The following TRIM46 variants were observed in gnomAD, a reference collection of about 807,000 sequenced individuals.
TRIM46 encodes the protein tripartite motif-containing protein 46.
Under a neutral mutation model 69.7 loss-of-function variants are expected in TRIM46, and 17 were observed. The observed-to-expected ratio is 0.24, with a 90% CI of 0.17 to 0.37. The LOEUF is 0.37. TRIM46 is among the 10% of genes least tolerant of loss of function. The pLI is 1.00. For missense variants in TRIM46, 675 were observed against 1,025.1 expected (o/e 0.66, Z 4.66); for synonymous variants, 391 against 429.0 (o/e 0.91, Z 1.09).
At chr1:155,179,537 C>T in intron 7 of TRIM46, 95 bp from the exon 8 acceptor site, 1 of 1,190,492 alleles carries the variant, frequency 8.4e-7, no homozygotes, top group Non-Finnish European at 1.2e-6. Flanking sequence ...CTCACCCCCC[C>T]GGCTCCCGCT....
At chr1:155,179,293 C>A (rs567363903) in intron 7 of TRIM46, among the ~76,000 whole-genome samples, 2 of 152,288 alleles carry the variant, frequency 1.3e-5, no homozygotes, top group African/African-American at 4.8e-5. Flanking sequence ...GCTGCAAGGG[C>A]CCCCAGAACT....
chr1:155,184,146 C>T lies in TRIM46; in HGVS notation c.2236C>T (p.Pro746Ser). Reference protein sequence around the residue: ...VQLQEPVGTKPERKVTIGGFA... With the variant: ...VQLQEPVGTKSERKVTIGGFA... Reference sequence around the variant, plus strand: ...GCTCCAGGAGCCAGTGGGCACTAAGCCTGAGAGGAAAGTCACCATTGGGGG... The same window carrying T: ...GCTCCAGGAGCCAGTGGGCACTAAGTCTGAGAGGAAAGTCACCATTGGGGG... Residue 746 changes from proline (P) to serine (S), a missense_variant, in exon 10 of 10, where the codon CCT becomes TCT. This residue lies in a region of TRIM46 where 108 missense variants were observed against 153.0 expected (regional missense o/e 0.71). Coordinates refer to ENST00000334634, the MANE Select transcript of TRIM46 (RefSeq NM_025058.5). The surrounding 1 kb of genome is among the most constrained non-coding windows in gnomAD (Gnocchi z 5.6). 1.2e-6 allele frequency: 2 copies of T among 1,613,484 alleles called. No homozygotes were observed. The highest frequency in any genetic ancestry group is 1.7e-6 in the Non-Finnish European group (2 of 1,179,862).
chr1:155,180,075 T>C, intron 8 of TRIM46, 141 bp downstream of exon 8: 2 of 1,036,094 alleles, frequency 1.9e-6, no homozygotes, highest in Non-Finnish European at 2.7e-6. Flanking sequence ...GCTAGACTGC[T>C]TGGGTTCAAA....
chr1:155,184,003 A>C lies in TRIM46; in HGVS notation c.2093A>C (p.Glu698Ala). 6.2e-7 allele frequency: 1 copy of C among 1,614,086 alleles called. No individual in the cohort carries two copies. The highest frequency in any genetic ancestry group is 1.7e-4 in the Middle Eastern group (1 of 6,038). ...PPRLGICLDY[E>A]RGRVSFLDAV... ...CGCCTGGGCATCTGCCTGGACTATG[A>C]GCGGGGCCGGGTTTCCTTCCTGGAT... The change falls in exon 10 of 10, where the codon GAG (glutamate) becomes GCG (alanine). Residue 698 changes from glutamate to alanine, a missense_variant. Transcript: ENST00000334634. This position sits in a 1 kb window ranked among gnomAD's most constrained non-coding sequence, Gnocchi z 5.6.
chr1:155,178,696 C>T (rs1665889141), intron 7 of TRIM46, 83 bp downstream of exon 7: 14 of 1,587,174 alleles, frequency 8.8e-6, no homozygotes, highest in East Asian at 4.5e-5. Flanking sequence ...CAGTGCCTAC[C>T]GGGGACCTCC....
chr1:155,178,537 C>T lies in TRIM46; in HGVS notation c.1209C>T (p.Ala403=). 1 of 1,614,182 alleles carries T rather than the reference C, an allele frequency of 6.2e-7. No homozygotes were observed. The highest frequency in any genetic ancestry group is 2.2e-5 in the East Asian group (1 of 44,880). The change falls in exon 7 of 10, where the codon GCC becomes GCT. Residue 403 remains alanine, a synonymous_variant. Coordinates refer to ENST00000334634, the MANE Select transcript of TRIM46 (RefSeq NM_025058.5). ...CCCTCCAGACATTCCGGCCAGCTGC[C>T]AGCTCCTCCTTCCGCCATTGCCAGC... is the stretch of plus-strand genomic sequence containing the variant. ...TEALQTFRPA[A]SSSFRHCQLD... is the part of the protein sequence containing the mutation.
intron 9 of TRIM46, 95 bp downstream of exon 9, chr1:155,182,244 G>A (rs1666223938): frequency 2.3e-6 from 3 of 1,310,144 alleles, no homozygotes; most frequent in Non-Finnish European, 3.1e-6. Context: ...TGCTAGGGTG[G>A]GGCTGGGAGG....
rs1239881844 is a variant in TRIM46, at chr1:155,179,952, G to A, written c.1588+18G>A. ...GGCACCTGGTGAGTGGGCAGGCACA[G>A]GTGGTCGTGCAAAGGGCATGGGGTA... On this transcript the variant is annotated intron_variant, in intron 8 of 9. Coordinates refer to ENST00000334634, the MANE Select transcript of TRIM46 (RefSeq NM_025058.5). The A allele has an allele frequency of 6.4e-7, 1 of 1,559,512 alleles. No individual in the cohort carries two copies. The highest frequency in any genetic ancestry group is 1.2e-5 in the South Asian group (1 of 82,360).
chr1:155,178,739 T>TGGCCCCCCCCCCCCCCCCCCC, intron 7 of TRIM46, 126 bp downstream of exon 7: 2 of 1,348,470 alleles, frequency 1.5e-6, no homozygotes, highest in Non-Finnish European at 1.0e-6. Context: ...CAGCCATTCC[T>TGGCCCCCCCCCCCCCCCCCCC]CCCACCCAGC....
intron 1 of TRIM46, chr1:155,174,816 G>GA: frequency 7.0e-7 from 1 of 1,438,642 alleles, no homozygotes. Flanking sequence ...AGGGCCTGAT[G>GA]GGGGCGAAGG....
Position 155,181,798 on chromosome 1 carries a change from C to A in TRIM46, c.1589-54C>A. 1 of 1,559,250 alleles carries A rather than the reference C, an allele frequency of 6.4e-7. No homozygotes were observed. Among genetic ancestry groups the A allele is most frequent in the East Asian group, 2.3e-5 (1 of 44,270 alleles). On this transcript the variant is annotated intron_variant, in intron 8 of 9. Transcript: ENST00000334634. This position sits in a 1 kb window ranked among gnomAD's most constrained non-coding sequence, Gnocchi z 4.3. The stretch of plus-strand genomic sequence containing the variant: ...TTCTGCAGTCTCACAGCCCCCAGTG[C>A]CAGTGTTTGTCCCTGAAGTTCTTGC...
chr1:155,173,888 C>A lies in TRIM46; in HGVS notation c.-79C>A, dbSNP rs1197442625. 3.5e-6 allele frequency: 5 copies of A among 1,447,952 alleles called. No homozygotes were observed. The highest frequency in any genetic ancestry group is 2.8e-5 in the African/African-American group (2 of 71,164). The allele number at this position is 1,447,952 out of a possible 1,614,324, so 89.7% of individuals were successfully genotyped here. ...ACCCCCAGCCCTCCTCACACCCCCACTGGGCTCCTGCATTAAGCCCGGGGT... is the reference window on the plus strand; with the variant it reads ...ACCCCCAGCCCTCCTCACACCCCCAATGGGCTCCTGCATTAAGCCCGGGGT... On this transcript the variant is annotated 5_prime_UTR_variant, in exon 1 of 10. The change creates a new upstream start codon in the 5' untranslated region. Coordinates refer to ENST00000334634, the MANE Select transcript of TRIM46 (RefSeq NM_025058.5).
intron 8 of TRIM46, chr1:155,180,387 G>T: frequency 2.8e-6 from 1 of 352,574 alleles, no homozygotes. Context: ...ACAAGGTCAA[G>T]AGTTTGAGAC....
rs1665544193 is a variant in TRIM46 at position 155,175,212 on chromosome 1, G to A, written c.64-174G>A. 2 of 1,483,556 alleles carry A rather than the reference G, an allele frequency of 1.3e-6. No homozygotes were observed. Among genetic ancestry groups the A allele is most frequent in the Admixed American group, 2.4e-5 (1 of 41,064 alleles). 91.9% of individuals were successfully genotyped at this position (1,483,556 alleles called of 1,614,324 possible). On this transcript the variant is annotated intron_variant, in intron 1 of 9. Coordinates refer to ENST00000334634, the MANE Select transcript of TRIM46 (RefSeq NM_025058.5). This position sits in a 1 kb window ranked among gnomAD's most constrained non-coding sequence, Gnocchi z 4.2. The stretch of plus-strand genomic sequence containing the variant: ...TCTGCAGCGGGGAAAGAGAAGCAAG[G>A]GACAGAGGTCTGGGAAGGTCTGTGA...
chr1:155,174,875 G>A, intron 1 of TRIM46: 1 of 1,413,372 alleles, frequency 7.1e-7, no homozygotes, highest in East Asian at 2.7e-5. Flanking sequence ...GGGAATGGAG[G>A]CTGGAGTGGC....
chr1:155,176,325 G>A, intron 3 of TRIM46, 94 bp downstream of exon 3: 1 of 1,192,908 alleles, frequency 8.4e-7, no homozygotes, highest in Admixed American at 2.6e-5. Context: ...AAGGAAGTGG[G>A]AAGGGTTTTC....
At chr1:155,180,050 C>T (rs1666029113) in intron 8 of TRIM46, 116 bp downstream of exon 8, 1 of 1,154,492 alleles carries the variant, frequency 8.7e-7, no homozygotes, top group Admixed American at 3.0e-5. Context: ...AGGTCTCACA[C>T]ACACTAGCTC....
At chr1:155,183,007 T>C (rs924014745) in intron 9 of TRIM46, 2 of 143,468 alleles carry the variant, frequency 1.4e-5, no homozygotes, top group Admixed American at 7.2e-5. Context: ...ACCTCCCGGG[T>C]TCACACCATT....
In TRIM46 at chr1:155,181,741, G is replaced by T; in HGVS notation, c.1589-111G>T. 1 of 1,217,116 alleles carries T rather than the reference G, an allele frequency of 8.2e-7. No homozygotes were observed. Among genetic ancestry groups the T allele is most frequent in the African/African-American group, 1.5e-5 (1 of 65,574 alleles). 75.4% of individuals were successfully genotyped at this position (1,217,116 alleles called of 1,614,324 possible). A position where few individuals can be genotyped will look rare whatever the true frequency, so the allele number is the denominator to read the frequency against. ...TCTCCTGAACCCCCTGCCTGTTCCTGGTGACTGAACCCCCTTGCAACGCGT... is the reference window on the plus strand; with the variant it reads ...TCTCCTGAACCCCCTGCCTGTTCCTTGTGACTGAACCCCCTTGCAACGCGT... On this transcript the variant is annotated intron_variant, in intron 8 of 9. Coordinates refer to ENST00000334634, the MANE Select transcript of TRIM46 (RefSeq NM_025058.5). This position sits in a 1 kb window ranked among gnomAD's most constrained non-coding sequence, Gnocchi z 4.3.
Sources: gnomAD v4.1 joint callset for allele counts (sites outside exome capture counted in the v4.1 genomes callset) on GRCh38, gnomAD v4.1.1 for gene constraint, gnomAD v4.1.1 regional missense constraint, Gnocchi (gnomAD v3.1) non-coding constraint, MANE v1.5 for transcripts, NCBI Gene and HGNC (gene_info 2026-07-23, HGNC 2026-07-21) for gene names.